The following DACH1 variants were observed in gnomAD, a reference collection of about 807,000 sequenced individuals.
DACH1 encodes the protein dachshund homolog 1.
DACH1 carries 12 observed loss-of-function variants against 54.2 expected under a neutral mutation model. That is an observed-to-expected ratio of 0.22 (90% CI 0.14 to 0.36). DACH1 has a LOEUF of 0.36. DACH1 is among the 10% of genes least tolerant of loss of function. DACH1 has a pLI of 1.00. For synonymous variants in DACH1, 386 were observed against 366.2 expected (o/e 1.05, Z -0.62); for missense variants, 805 against 929.8 (o/e 0.87, Z 1.75).
rs1347232501 is a variant in DACH1 at position 71,523,221 on chromosome 13, G to A, written c.1570+33803C>T. Among the ~76,000 whole-genome samples, 3 of 152,072 alleles carry A rather than the reference G, an allele frequency of 2.0e-5. No homozygotes were observed. The East Asian group carries it at 5.8e-4, about 29-fold the overall frequency. On this transcript the variant is annotated intron_variant, in intron 6 of 10. Coordinates refer to ENST00000613252, the MANE Select transcript of DACH1 (RefSeq NM_080759.6). The stretch of plus-strand genomic sequence containing the variant: ...GATGCAACTGTTTCACCTGATAATA[G>A]GCTCTGAAAATAAAACTGTGTGCTG...
intron 3 of DACH1, among the ~76,000 whole-genome samples, chr13:71,626,944 T>A (rs1478203049): frequency 1.3e-5 from 2 of 151,878 alleles, no homozygotes; most frequent in Admixed American, 6.6e-5. Flanking sequence ...TCTTAGCAAG[T>A]AAATATTAAA....
At chr13:71,844,086 C>T (rs1247604143) in intron 1 of DACH1, among the ~76,000 whole-genome samples, 1 of 152,090 alleles carries the variant, frequency 6.6e-6, no homozygotes, top group Non-Finnish European at 1.5e-5. Flanking sequence ...CACAGAAGGG[C>T]CCCTCACCTG....
chr13:71,609,827 A>G (rs1875177019), intron 3 of DACH1, among the ~76,000 whole-genome samples: 1 of 152,174 alleles, frequency 6.6e-6, no homozygotes, highest in Admixed American at 6.5e-5. Flanking sequence ...GCGCCCAGCC[A>G]GAAGTTGACT....
chr13:71,500,575 C>A (rs1879828628), intron 6 of DACH1, among the ~76,000 whole-genome samples: 1 of 152,078 alleles, frequency 6.6e-6, no homozygotes, highest in African/African-American at 2.4e-5. Flanking sequence ...TGGAAATCAC[C>A]TCATCTACAT....
intron 1 of DACH1, among the ~76,000 whole-genome samples, chr13:71,833,900 C>T (rs1413892747): frequency 6.6e-6 from 1 of 151,950 alleles, no homozygotes; most frequent in East Asian, 1.9e-4. Flanking sequence ...TGAAATAGCA[C>T]AAGATATTTA....
intron 1 of DACH1, among the ~76,000 whole-genome samples, chr13:71,795,669 A>G (rs1887017816): frequency 6.6e-6 from 1 of 152,160 alleles, no homozygotes; most frequent in African/African-American, 2.4e-5. Context: ...CAAACAAACA[A>G]AAAACAAAAC....
intron 1 of DACH1, among the ~76,000 whole-genome samples, chr13:71,772,023 G>T (rs1196113638): frequency 2.6e-5 from 4 of 151,058 alleles, no homozygotes; most frequent in Middle Eastern, 3.4e-3. Flanking sequence ...TCCTTAAAAG[G>T]GTTTTAAAAT....
At chr13:71,632,796 C>T (rs1465735738) in intron 2 of DACH1, among the ~76,000 whole-genome samples, 1 of 152,080 alleles carries the variant, frequency 6.6e-6, no homozygotes, top group Non-Finnish European at 1.5e-5. Context: ...AATCTAAACT[C>T]AAAGAATCCA....
intron 2 of DACH1, among the ~76,000 whole-genome samples, chr13:71,659,214 T>TA (rs1453735691): frequency 6.6e-6 from 1 of 152,130 alleles, no homozygotes; most frequent in Non-Finnish European, 1.5e-5. Context: ...TCACTTCTTC[T>TA]AAAAAATGGA....
At chr13:71,634,716 T>C (rs573431897) in intron 2 of DACH1, among the ~76,000 whole-genome samples, 4 of 152,184 alleles carry the variant, frequency 2.6e-5, no homozygotes, top group Non-Finnish European at 5.9e-5. Context: ...CACTTGCTTG[T>C]GTTTGCATCA....
chr13:71,531,960 G>GTA (rs539677073), intron 6 of DACH1, among the ~76,000 whole-genome samples: 47 of 151,744 alleles, frequency 3.1e-4, no homozygotes, highest in African/African-American at 9.4e-4. Context: ...ATGTATGTGT[G>GTA]TATATATATA....
At chr13:71,791,769 G>A (rs949564250) in intron 1 of DACH1, among the ~76,000 whole-genome samples, 1 of 152,148 alleles carries the variant, frequency 6.6e-6, no homozygotes, top group Admixed American at 6.5e-5. Context: ...GGGCAATAAA[G>A]TTTCATCAAA....
At chr13:71,470,370 G>A (rs888839864) in intron 10 of DACH1, among the ~76,000 whole-genome samples, 1 of 150,590 alleles carries the variant, frequency 6.6e-6, no homozygotes, top group Non-Finnish European at 1.5e-5. Flanking sequence ...GTGCAGTGGT[G>A]CAACTTCGGC....
chr13:71,745,489 C>T (rs1467927673), intron 1 of DACH1, among the ~76,000 whole-genome samples: 2 of 152,168 alleles, frequency 1.3e-5, no homozygotes, highest in African/African-American at 4.8e-5. Context: ...TAATGGATGT[C>T]TAAATTGCAA....
chr13:71,733,716 C>T (rs1883857005), intron 1 of DACH1, among the ~76,000 whole-genome samples: 1 of 152,034 alleles, frequency 6.6e-6, no homozygotes. Flanking sequence ...CATAAGGTGC[C>T]ATTTTATTAA....
chr13:71,792,953 T>C (rs1275338294), intron 1 of DACH1, among the ~76,000 whole-genome samples: 1 of 152,184 alleles, frequency 6.6e-6, no homozygotes, highest in Admixed American at 6.5e-5. Context: ...CAAAATACTA[T>C]ATTCCTAAGA....
In DACH1 at chr13:71,810,815, A is replaced by G. The variant is rs182802155; in HGVS notation, c.848+55107T>C. On this transcript the variant is annotated intron_variant, in intron 1 of 10. Transcript: ENST00000613252. The stretch of plus-strand genomic sequence containing the variant: ...CACTTGTCAAAATAAATGAACAAGT[A>G]GATTTTATGATACAGTACATTTTAT... Among the ~76,000 whole-genome samples, 545 of 152,318 alleles carry G rather than the reference A, an allele frequency of 3.6e-3. 2 individuals are homozygous for G. Among genetic ancestry groups the G allele is most frequent in the African/African-American group, 0.012 (479 of 41,574 alleles).
chr13:71,745,069 A>C (rs1017128168), intron 1 of DACH1, among the ~76,000 whole-genome samples: 1 of 152,248 alleles, frequency 6.6e-6, no homozygotes, highest in Non-Finnish European at 1.5e-5. Flanking sequence ...TGTGAAAATC[A>C]AATGAAACCA....
At chr13:71,496,844 T>G (rs1032896960) in intron 6 of DACH1, among the ~76,000 whole-genome samples, 19 of 152,216 alleles carry the variant, frequency 1.2e-4, no homozygotes, top group African/African-American at 4.6e-4. Context: ...CTGATGCATA[T>G]AAAATATCTA....
Sources: allele counts gnomAD v4.1 joint callset (sites outside exome capture counted in the v4.1 genomes callset), GRCh38; gene constraint gnomAD v4.1.1; transcripts MANE v1.5; gene names NCBI Gene and HGNC (gene_info 2026-07-23, HGNC 2026-07-21).